The following CAB39 variants were observed in gnomAD, a reference collection of about 807,000 sequenced individuals.
The protein encoded by CAB39 is calcium-binding protein 39.
In CAB39, 8 loss-of-function variants were observed where a neutral mutation model predicts 40.0. The ratio of observed to expected loss-of-function variants is 0.20; its 90% CI spans 0.12 to 0.36. The LOEUF is 0.36. CAB39 is among the 10% of genes least tolerant of loss of function. CAB39 has a pLI of 1.00. For synonymous variants in CAB39, 156 were observed against 141.6 expected, an observed-to-expected ratio of 1.10 and a Z score of -0.72; for missense variants, 270 against 401.1, an observed-to-expected ratio of 0.67 and a Z score of 2.79.
intron 1 of CAB39, among the ~76,000 whole-genome samples, chr2:230,724,915 C>G (rs1694533242): frequency 6.6e-6 from 1 of 151,730 alleles, no homozygotes; most frequent in Non-Finnish European, 1.5e-5. Context: ...AAGCTGGTAA[C>G]TGTCACCAGG....
intron 1 of CAB39, chr2:230,752,031 C>CCA (rs1695095194): frequency 4.2e-5 from 1 of 23,934 alleles, no homozygotes; most frequent in Non-Finnish European, 8.6e-5. Context: ...TTCTGACCAC[C>CCA]CCCCCCCCCC....
intron 1 of CAB39, among the ~76,000 whole-genome samples, chr2:230,719,170 G>A (rs1694403340): frequency 6.6e-6 from 1 of 152,176 alleles, no homozygotes; most frequent in South Asian, 2.1e-4. Flanking sequence ...AAATTAGTTA[G>A]CTTGGGGGAA....
At chr2:230,787,291 A>G (rs1695809867) in intron 2 of CAB39, among the ~76,000 whole-genome samples, 1 of 152,226 alleles carries the variant, frequency 6.6e-6, no homozygotes, top group Admixed American at 6.5e-5. Context: ...TGATGATTCA[A>G]AGATATGATG....
Position 230,790,256 on chromosome 2 carries a change from G to A in CAB39, c.115-616G>A, listed in dbSNP as rs142629610. ...AGACCCTGTCTCAAAAAAAAAAAATGTCGTTTTATGTATCTTATCCTACTC... is the reference window on the plus strand; with the variant it reads ...AGACCCTGTCTCAAAAAAAAAAAATATCGTTTTATGTATCTTATCCTACTC... On this transcript the variant is annotated intron_variant, in intron 2 of 8. Coordinates refer to ENST00000258418, the MANE Select transcript of CAB39 (RefSeq NM_016289.4). 2.4e-3 allele frequency among the ~76,000 whole-genome samples: 362 copies of A among 151,008 alleles called. 2 individuals carry two copies. The highest frequency in any genetic ancestry group is 0.011 in the South Asian group (51 of 4,680).
At chr2:230,752,033 C>G (rs1307938205) in intron 1 of CAB39, 4 of 78,046 alleles carry the variant, frequency 5.1e-5, no homozygotes, top group Admixed American at 1.1e-4. Context: ...CTGACCACCC[C>G]CCCCCCCCCC....
At chr2:230,771,164 A>G (rs1168053521) in intron 2 of CAB39, among the ~76,000 whole-genome samples, 1 of 152,212 alleles carries the variant, frequency 6.6e-6, no homozygotes, top group Non-Finnish European at 1.5e-5. Flanking sequence ...CACAACTAGT[A>G]GACTAGTAAA....
chr2:230,729,968 G>C (rs1694657801), intron 1 of CAB39, among the ~76,000 whole-genome samples: 1 of 152,100 alleles, frequency 6.6e-6, no homozygotes, highest in African/African-American at 2.4e-5. Flanking sequence ...AATTTTTCCA[G>C]GTTGAATCAG....
rs894643979 is a variant in CAB39, at chr2:230,819,994, G to A, written c.*1290G>A. 2 of 152,602 alleles carry A rather than the reference G, an allele frequency of 1.3e-5. No individual in the cohort carries two copies. Among genetic ancestry groups the A allele is most frequent in the African/African-American group, 4.8e-5 (2 of 41,430 alleles). The allele number at this position is 152,602 out of a possible 1,614,324, so 9.5% of individuals were successfully genotyped here. On this transcript the variant is annotated 3_prime_UTR_variant, in exon 9 of 9. Coordinates refer to ENST00000258418, the MANE Select transcript of CAB39 (RefSeq NM_016289.4). Reference sequence around the variant, plus strand: ...TTCCTAGTCATAGGTGTCCTATGGGGAAATTTATTTTTTTTAATGTCCTGT... The same window carrying A: ...TTCCTAGTCATAGGTGTCCTATGGGAAAATTTATTTTTTTTAATGTCCTGT...
chr2:230,805,622 AGTT>A (rs148680538), intron 5 of CAB39, among the ~76,000 whole-genome samples: 3,239 of 152,342 alleles, frequency 0.021, 100 homozygotes, highest in African/African-American at 0.073. Flanking sequence ...TGACCATATC[AGTT>A]GTTGTGCCTT....
At chr2:230,783,715 T>G (rs2124948159) in intron 2 of CAB39, among the ~76,000 whole-genome samples, 1 of 152,230 alleles carries the variant, frequency 6.6e-6, no homozygotes, top group South Asian at 2.1e-4. Flanking sequence ...TTTTTCAGGC[T>G]GGTCTCGAAC....
chr2:230,735,949 C>T (rs776987889), intron 1 of CAB39, among the ~76,000 whole-genome samples: 18 of 152,078 alleles, frequency 1.2e-4, no homozygotes, highest in Non-Finnish European at 2.2e-4. Context: ...GAAAGGAGAA[C>T]GACACCAACT....
intron 4 of CAB39, among the ~76,000 whole-genome samples, chr2:230,798,485 G>A (rs1438015054): frequency 1.3e-5 from 2 of 152,134 alleles, no homozygotes; most frequent in African/African-American, 2.4e-5. Context: ...ACAGTCACTC[G>A]TATGGCTATT....
At chr2:230,715,110 A>G (rs1176937202) in intron 1 of CAB39, among the ~76,000 whole-genome samples, 1 of 152,174 alleles carries the variant, frequency 6.6e-6, no homozygotes, top group East Asian at 1.9e-4. Context: ...GCATAATGAA[A>G]TATATTGTAT....
intron 5 of CAB39, among the ~76,000 whole-genome samples, chr2:230,800,700 G>T (rs1408858054): frequency 6.6e-6 from 1 of 152,186 alleles, no homozygotes; most frequent in African/African-American, 2.4e-5. Flanking sequence ...GGATTGAGCA[G>T]CAGTGGTGTG....
rs1003878117 is a variant in CAB39 at position 230,813,933 on chromosome 2, G to C, written c.628-116G>C. ...CAGGGCAGCTGTTGGCCTTCATGGT[G>C]TGAGAAATGTGTCCTTAAGCTAATT... is the stretch of plus-strand genomic sequence containing the variant. On this transcript the variant is annotated intron_variant, in intron 6 of 8. Coordinates refer to ENST00000258418, the MANE Select transcript of CAB39 (RefSeq NM_016289.4). 7.2e-6 allele frequency: 4 copies of C among 557,314 alleles called. No individual in the cohort carries two copies. In the African/African-American group the frequency reaches 8.4e-5, roughly 12 times the overall value. 34.5% of individuals were successfully genotyped at this position (557,314 alleles called of 1,614,324 possible). A position where few individuals can be genotyped will look rare whatever the true frequency, so the allele number is the denominator to read the frequency against.
chr2:230,781,202 T>C (rs1021255542), intron 2 of CAB39, among the ~76,000 whole-genome samples: 10 of 151,990 alleles, frequency 6.6e-5, no homozygotes, highest in African/African-American at 1.9e-4. Context: ...AGTGAAGAAG[T>C]TGAGAATGTT....
At chr2:230,750,978 A>G (rs1343686485) in intron 1 of CAB39, among the ~76,000 whole-genome samples, 1 of 152,236 alleles carries the variant, frequency 6.6e-6, no homozygotes, top group Non-Finnish European at 1.5e-5. Flanking sequence ...GTTCTGTACT[A>G]CCAGACAGAT....
intron 5 of CAB39, among the ~76,000 whole-genome samples, chr2:230,799,967 G>T (rs767807406): frequency 6.6e-6 from 1 of 151,130 alleles, no homozygotes; most frequent in Non-Finnish European, 1.5e-5. Flanking sequence ...CTCCAGCCTG[G>T]GCAACAAAAG....
chr2:230,765,837 A>G (rs148347526), intron 2 of CAB39, among the ~76,000 whole-genome samples: 43 of 152,310 alleles, frequency 2.8e-4, no homozygotes, highest in African/African-American at 1.0e-3. Context: ...AATGTTAACA[A>G]TGCTGAGATT....
Sources: allele counts gnomAD v4.1 joint callset (sites outside exome capture counted in the v4.1 genomes callset), GRCh38; gene constraint gnomAD v4.1.1; transcripts MANE v1.5; gene names NCBI Gene and HGNC (gene_info 2026-07-23, HGNC 2026-07-21).